UMAD1: variants seen among roughly 807,000 people sequenced by gnomAD.
The protein encoded by UMAD1 is UBAP1-MVB12-associated (UMA) domain containing 1.
In UMAD1, 8 loss-of-function variants were observed where a neutral mutation model predicts 6.1. That is an observed-to-expected ratio of 1.30 (90% CI 0.76 to 2.35). UMAD1 has a LOEUF of 2.35. Among genes scored for constraint, UMAD1 ranks in the 30% most tolerant of loss-of-function variants. The pLI is 0.00. For synonymous variants in UMAD1, 56 were observed against 31.4 expected, an observed-to-expected ratio of 1.78 and a Z score of -2.61; for missense variants, 130 against 78.4, an observed-to-expected ratio of 1.66 and a Z score of -2.49.
chr7:7,865,650 T>A (rs1784212200), intron 3 of UMAD1, among the ~76,000 whole-genome samples: 1 of 152,206 alleles, frequency 6.6e-6, no homozygotes, highest in African/African-American at 2.4e-5. Context: ...AGGCTCTCCT[T>A]CCTTTTCAGT....
At chr7:7,769,396 G>A (rs1782057431) in intron 2 of UMAD1, among the ~76,000 whole-genome samples, 2 of 152,130 alleles carry the variant, frequency 1.3e-5, no homozygotes. Flanking sequence ...CCTGAGGAAT[G>A]ATATACAAGT....
chr7:7,827,141 A>ATGTGTGTGTGTG (rs1439982206), intron 3 of UMAD1, among the ~76,000 whole-genome samples: 226 of 134,968 alleles, frequency 1.7e-3, no homozygotes, highest in African/African-American at 5.8e-3. Flanking sequence ...ATATATATAT[A>ATGTGTGTGTGTG]TATATATGTG....
rs115332413 is a variant in UMAD1 at position 7,727,930 on chromosome 7, A to G, written c.82+54477A>G. 7.1e-3 allele frequency among the ~76,000 whole-genome samples: 1,086 copies of G among 152,286 alleles called. 18 individuals carry two copies. The highest frequency in any genetic ancestry group is 0.025 in the African/African-American group (1,028 of 41,542). The stretch of plus-strand genomic sequence containing the variant: ...ATGCTCCTTAATAAACTTTTTTTAT[A>G]TACGATTGTGTGATTTAATACTCCT... On this transcript the variant is annotated intron_variant, in intron 2 of 3. Transcript: ENST00000682710.
At chr7:7,773,161 C>T (rs1485689897) in intron 2 of UMAD1, among the ~76,000 whole-genome samples, 1 of 152,102 alleles carries the variant, frequency 6.6e-6, no homozygotes, top group Admixed American at 6.6e-5. Context: ...TAAAGAATTG[C>T]ACAGTTATAT....
At chr7:7,763,742 G>A (rs17137427) in intron 2 of UMAD1, among the ~76,000 whole-genome samples, 2 of 152,082 alleles carry the variant, frequency 1.3e-5, no homozygotes, top group Non-Finnish European at 2.9e-5. Flanking sequence ...TACAAAAATA[G>A]TAGAGTGATT....
chr7:7,853,904 C>A (rs1476080374), intron 3 of UMAD1, among the ~76,000 whole-genome samples: 1 of 152,140 alleles, frequency 6.6e-6, no homozygotes, highest in Non-Finnish European at 1.5e-5. Flanking sequence ...AGGGGAAAAG[C>A]ATCTAGTCTT....
At chr7:7,646,487 T>A (rs1212158314) in intron 1 of UMAD1, among the ~76,000 whole-genome samples, 3 of 146,016 alleles carry the variant, frequency 2.1e-5, no homozygotes, top group Non-Finnish European at 4.5e-5. Context: ...TGGATTTTTT[T>A]TTTTTTTTTT....
At position 7,838,062 on chromosome 7, in the gene UMAD1, A is replaced by AT. The variant is rs576777645; in HGVS notation, c.156+36320dup. ...GTAAAAAATGGACAGAAACACAAGG[A>AT]TAAAAAGAAAAAATGTCATCAGAAT... On this transcript the variant is annotated intron_variant, in intron 3 of 3. Transcript: ENST00000682710. Among the ~76,000 whole-genome samples, 483 of 152,342 alleles carry AT rather than the reference A, an allele frequency of 3.2e-3. 5 individuals carry two copies. The highest frequency in any genetic ancestry group is 4.3e-3 in the Non-Finnish European group (294 of 68,016).
chr7:7,667,303 T>A (rs925478027), intron 1 of UMAD1, among the ~76,000 whole-genome samples: 2 of 152,134 alleles, frequency 1.3e-5, no homozygotes, highest in Non-Finnish European at 2.9e-5. Context: ...TTGAAAAAAA[T>A]ACTGAAAACT....
chr7:7,733,083 T>G (rs1286154221), intron 2 of UMAD1, among the ~76,000 whole-genome samples: 2 of 152,188 alleles, frequency 1.3e-5, no homozygotes, highest in Non-Finnish European at 2.9e-5. Context: ...AAGCCAGAAA[T>G]GTCAGGCATT....
intron 2 of UMAD1, among the ~76,000 whole-genome samples, chr7:7,768,213 G>A (rs943849983): frequency 2.0e-5 from 3 of 152,032 alleles, no homozygotes; most frequent in Admixed American, 6.6e-5. Context: ...CAAACTCATT[G>A]CCTAAAAATT....
At position 7,875,053 on chromosome 7, in the gene UMAD1, C is replaced by T. The variant is rs1265304681; in HGVS notation, c.157-2228C>T. Among the ~76,000 whole-genome samples, 3 of 152,128 alleles carry T rather than the reference C, an allele frequency of 2.0e-5. 1 individual carries two copies. The highest frequency in any genetic ancestry group is 6.5e-5 in the Admixed American group (1 of 15,276). On this transcript the variant is annotated intron_variant, in intron 3 of 3. Transcript: ENST00000682710. ...CCTCCCAAAGTGCTGGGATTACAGG[C>T]GTGAGCCACCGTGCCCGGCCCAGAA... is the stretch of plus-strand genomic sequence containing the variant.
chr7:7,819,336 G>A (rs1156708220), intron 3 of UMAD1, among the ~76,000 whole-genome samples: 2 of 152,136 alleles, frequency 1.3e-5, no homozygotes, highest in African/African-American at 2.4e-5. Flanking sequence ...CATTTTTGAT[G>A]TATCAAATAA....
chr7:7,721,274 T>C (rs1781043880), intron 2 of UMAD1, among the ~76,000 whole-genome samples: 3 of 152,246 alleles, frequency 2.0e-5, no homozygotes, highest in Admixed American at 6.5e-5. Flanking sequence ...AGGAAACTAA[T>C]ACAGTATGTG....
chr7:7,853,290 T>G (rs748125276), intron 3 of UMAD1, among the ~76,000 whole-genome samples: 97 of 152,348 alleles, frequency 6.4e-4, no homozygotes, highest in East Asian at 1.3e-3. Flanking sequence ...CAAGATTGTT[T>G]TGGCAATTCT....
At chr7:7,742,067 T>C in intron 2 of UMAD1, 1 of 560,784 alleles carries the variant, frequency 1.8e-6, no homozygotes, top group Admixed American at 1.9e-5. Flanking sequence ...TGGTACATCA[T>C]AGATGTTTAG....
chr7:7,655,769 A>G (rs2115081543), intron 1 of UMAD1, among the ~76,000 whole-genome samples: 1 of 152,200 alleles, frequency 6.6e-6, no homozygotes, highest in East Asian at 1.9e-4. Context: ...ATGTATTTTA[A>G]TTTAAAAAAT....
intron 3 of UMAD1, among the ~76,000 whole-genome samples, chr7:7,865,943 T>C (rs1448897897): frequency 6.6e-6 from 1 of 152,202 alleles, no homozygotes; most frequent in South Asian, 2.1e-4. Flanking sequence ...CTTTAGGAGA[T>C]GTATTTGTAA....
At chr7:7,703,954 A>AGAAG (rs774138486) in intron 2 of UMAD1, among the ~76,000 whole-genome samples, 2 of 152,070 alleles carry the variant, frequency 1.3e-5, no homozygotes, top group Admixed American at 1.3e-4. Context: ...AAGGAAAGAA[A>AGAAG]GAAGGAAGGA....
Sources: gnomAD v4.1 joint callset for allele counts (sites outside exome capture counted in the v4.1 genomes callset) on GRCh38, gnomAD v4.1.1 for gene constraint, MANE v1.5 for transcripts, NCBI Gene and HGNC (gene_info 2026-07-23, HGNC 2026-07-21) for gene names.